The following WTAP variants were observed in gnomAD, a reference collection of about 807,000 sequenced individuals.
The protein encoded by WTAP is pre-mRNA-splicing regulator WTAP.
A neutral mutation model predicts 50.0 loss-of-function variants in WTAP; 8 were observed. The observed-to-expected ratio is 0.16, with a 90% CI of 0.09 to 0.29. WTAP has a LOEUF of 0.29. Among genes scored for constraint, WTAP ranks in the 10% least tolerant of loss-of-function variants. The pLI is 1.00. For synonymous variants in WTAP, 194 were observed against 169.0 expected (o/e 1.15, Z -1.15); for missense variants, 295 against 470.7 (o/e 0.63, Z 3.45).
In WTAP at chr6:159,748,071, C is replaced by G; in HGVS notation, c.274-120C>G. 8.0e-7 allele frequency: 1 copy of G among 1,250,318 alleles called. No homozygotes were observed. The allele number at this position is 1,250,318 out of a possible 1,614,324, so 77.5% of individuals were successfully genotyped here. ...AGATTTTTCTAGAGAATTTCAGGAT[C>G]AAAGAGGGGAGGAGCTTAATGAAAG... is the stretch of plus-strand genomic sequence containing the variant. On this transcript the variant is annotated intron_variant, in intron 5 of 7. Transcript: ENST00000621533. The surrounding 1 kb of genome is among the most constrained non-coding windows in gnomAD (Gnocchi z 5.6).
At chr6:159,738,633 C>T (rs1055977085) in intron 2 of WTAP, among the ~76,000 whole-genome samples, 4 of 152,154 alleles carry the variant, frequency 2.6e-5, no homozygotes, top group Admixed American at 6.5e-5. Context: ...AAAGGAACTG[C>T]CATACTTCTT....
intron 1 of WTAP, 108 bp downstream of exon 1, chr6:159,727,811 A>C (rs961999314): frequency 8.9e-6 from 7 of 790,194 alleles, no homozygotes; most frequent in African/African-American, 7.5e-5. Flanking sequence ...CCGAAAGGCC[A>C]CACGGGCCTG....
intron 1 of WTAP, chr6:159,730,887 T>G (rs1045804224): frequency 2.0e-5 from 3 of 152,008 alleles, no homozygotes; most frequent in Non-Finnish European, 4.4e-5. Flanking sequence ...CTACTCACCA[T>G]CAAACTTTTT....
Position 159,755,167 on chromosome 6 carries a change from A to G in WTAP, c.747A>G (p.Pro249=), listed in dbSNP as rs1232089674. The change falls in exon 8 of 8, where the codon CCA becomes CCG. Residue 249 remains proline (P), a synonymous_variant. Coordinates refer to ENST00000621533, the MANE Select transcript of WTAP (RefSeq NM_001270531.2). The stretch of plus-strand genomic sequence containing the variant: ...AGCAGCAGTCTCAGGCCTCTGCCCC[A>G]AGTACCAGCAGGACTACAGCTTCTG... The part of the protein sequence containing the change: ...YQQQQSQASA[P]STSRTTASEP... 1 of 1,614,120 alleles carries G rather than the reference A, an allele frequency of 6.2e-7. No homozygotes were observed. Among genetic ancestry groups the G allele is most frequent in the Non-Finnish European group, 8.5e-7 (1 of 1,180,006 alleles).
intron 6 of WTAP, among the ~76,000 whole-genome samples, chr6:159,752,062 CAAAA>C (rs60854821): frequency 1.1e-4 from 10 of 94,980 alleles, no homozygotes; most frequent in Admixed American, 4.7e-4. Context: ...ACCCCCATCT[CAAAA>C]AAAAAAAAAA....
chr6:159,748,508 C>T lies in WTAP; in HGVS notation c.452+139C>T. Reference sequence around the variant, plus strand: ...AAAAAAAGCCACATTCTTACACTGTCCAGCTTGTAATGGTTAATGTAAAAC... The same window carrying T: ...AAAAAAAGCCACATTCTTACACTGTTCAGCTTGTAATGGTTAATGTAAAAC... On this transcript the variant is annotated intron_variant, in intron 6 of 7. Transcript: ENST00000621533. The surrounding 1 kb of genome is among the most constrained non-coding windows in gnomAD (Gnocchi z 5.6). 3 of 1,450,862 alleles carry T rather than the reference C, an allele frequency of 2.1e-6. No homozygotes were observed. The highest frequency in any genetic ancestry group is 2.7e-6 in the Non-Finnish European group (3 of 1,099,194). 89.9% of individuals were successfully genotyped at this position (1,450,862 alleles called of 1,614,324 possible).
At chr6:159,727,368 G>A (rs1247023140), upstream of WTAP, 2 of 1,216,142 alleles carry the variant, frequency 1.6e-6, no homozygotes, top group Admixed American at 2.7e-5. Context: ...GGCGGAGCGG[G>A]GAGGCTGGCG....
upstream of WTAP, chr6:159,727,332 C>T: frequency 8.0e-7 from 1 of 1,251,758 alleles, no homozygotes; most frequent in Non-Finnish European, 1.0e-6. Flanking sequence ...GGCGACTCTC[C>T]TGTGAGTGGG....
intron 5 of WTAP, among the ~76,000 whole-genome samples, chr6:159,744,256 G>A (rs1161120513): frequency 2.0e-5 from 3 of 152,126 alleles, no homozygotes; most frequent in Non-Finnish European, 4.4e-5. Context: ...TGTGTACTGT[G>A]TAGTATTTAC....
chr6:159,738,180 CAT>C, intron 2 of WTAP, among the ~76,000 whole-genome samples: 1 of 152,226 alleles, frequency 6.6e-6, no homozygotes, highest in Non-Finnish European at 1.5e-5. Context: ...AATCAAGATA[CAT>C]ATCTGAACTA....
upstream of WTAP, chr6:159,727,246 G>A (rs1778226203): frequency 3.9e-6 from 5 of 1,282,048 alleles, no homozygotes; most frequent in African/African-American, 3.1e-5. Flanking sequence ...GGGCTAGGCC[G>A]ACGGCCTCCC....
intron 6 of WTAP, chr6:159,749,024 G>A (rs1211917096): frequency 8.2e-5 from 82 of 1,001,086 alleles, no homozygotes; most frequent in Admixed American, 1.2e-4. Context: ...TACAAGTAGC[G>A]CATATATTTA....
At chr6:159,750,291 T>G (rs1779770915) in intron 6 of WTAP, among the ~76,000 whole-genome samples, 1 of 152,230 alleles carries the variant, frequency 6.6e-6, no homozygotes. Flanking sequence ...ATTATTAACA[T>G]GTACTCAAAT....
intron 2 of WTAP, among the ~76,000 whole-genome samples, chr6:159,738,002 C>T (rs2842974): frequency 0.78 from 118,079 of 152,152 alleles, 46,112 homozygotes; most frequent in South Asian, 0.85. Context: ...ATTGTTAACA[C>T]CTTGCGTGAC....
chr6:159,736,453 G>A, intron 2 of WTAP, 158 bp downstream of exon 2: 6 of 589,790 alleles, frequency 1.0e-5, no homozygotes, highest in Middle Eastern at 9.0e-4. Context: ...GTTGTACAGT[G>A]TGCCAGATAT....
At position 159,748,131 on chromosome 6, in the gene WTAP, C is replaced by T. The variant is rs1023814344; in HGVS notation, c.274-60C>T. On this transcript the variant is annotated intron_variant, in intron 5 of 7. Coordinates refer to ENST00000621533, the MANE Select transcript of WTAP (RefSeq NM_001270531.2). The surrounding 1 kb of genome is among the most constrained non-coding windows in gnomAD (Gnocchi z 5.6). ...ATCAAGTGAATGGAGGGAGTTTTCC[C>T]CACCTTCTTATGTATGTTTCCTTTG... 32 of 1,530,808 alleles carry T rather than the reference C, an allele frequency of 2.1e-5. 1 individual carries two copies. The South Asian group carries it at 3.4e-4, about 16-fold the overall frequency. 94.8% of individuals were successfully genotyped at this position (1,530,808 alleles called of 1,614,324 possible).
chr6:159,730,465 G>A (rs1219294532), intron 1 of WTAP, among the ~76,000 whole-genome samples: 2 of 152,076 alleles, frequency 1.3e-5, no homozygotes, highest in Admixed American at 6.6e-5. Context: ...TTGCCCTGGG[G>A]AATACCAAAC....
At chr6:159,727,478 G>T, upstream of WTAP, 5 of 993,688 alleles carry the variant, frequency 5.0e-6, no homozygotes, top group Non-Finnish European at 6.0e-6. Context: ...GTGCGGCGGG[G>T]CGGGGCCGGG....
In WTAP at chr6:159,744,832, A is replaced by C. The variant is rs548153410; in HGVS notation, c.273+1040A>C. 5.9e-5 allele frequency among the ~76,000 whole-genome samples: 9 copies of C among 152,176 alleles called. No homozygotes were observed. In the South Asian group the frequency reaches 1.7e-3, roughly 28 times the overall value. On this transcript the variant is annotated intron_variant, in intron 5 of 7. Transcript: ENST00000621533. ...GAGTAACTGATTTCAGGTGTGCGCCACCAAGCGCAGCTAATTTCTTAATTT... is the reference window on the plus strand; with the variant it reads ...GAGTAACTGATTTCAGGTGTGCGCCCCCAAGCGCAGCTAATTTCTTAATTT...
Sources: allele counts gnomAD v4.1 joint callset (sites outside exome capture counted in the v4.1 genomes callset), GRCh38; gene constraint gnomAD v4.1.1; non-coding constraint Gnocchi (gnomAD v3.1); transcripts MANE v1.5; gene names NCBI Gene and HGNC (gene_info 2026-07-23, HGNC 2026-07-21).